CASP5: variants seen among roughly 807,000 people sequenced by gnomAD.
The protein encoded by CASP5 is caspase-5.
A neutral mutation model predicts 45.2 loss-of-function variants in CASP5; 42 were observed. That is an observed-to-expected ratio of 0.93 (90% CI 0.73 to 1.20). The LOEUF is 1.20. CASP5 is among the 50% of genes most tolerant of loss of function. The pLI is 0.00. For missense variants in CASP5, 512 were observed against 532.2 expected, an observed-to-expected ratio of 0.96 and a Z score of 0.37; for synonymous variants, 209 against 186.2, an observed-to-expected ratio of 1.12 and a Z score of -1.00.
intron 4 of CASP5, 125 bp downstream of exon 4, chr11:105,003,149 A>G (rs761294706): frequency 1.0e-4 from 68 of 678,700 alleles, no homozygotes; most frequent in Non-Finnish European, 1.4e-4. Flanking sequence ...GCAGTCAGCT[A>G]TGATCACACC....
rs191739975 is a variant in CASP5, at chr11:105,016,316, C to T, written c.7+6814G>A. Among the ~76,000 whole-genome samples, 587 of 152,226 alleles carry T rather than the reference C, an allele frequency of 3.9e-3. 2 individuals carry two copies. The highest frequency in any genetic ancestry group is 0.013 in the African/African-American group (552 of 41,542). On this transcript the variant is annotated intron_variant, in intron 1 of 9. Coordinates refer to ENST00000260315, the MANE Select transcript of CASP5 (RefSeq NM_004347.5). ...CTGCAGGGGGAGGCGCCAAGATGGC[C>T]GAATAGGAACAGCTCCAGTCTACAG... is the stretch of plus-strand genomic sequence containing the variant.
At chr11:105,013,908 C>A (rs113389318) in intron 1 of CASP5, among the ~76,000 whole-genome samples, 1 of 152,156 alleles carries the variant, frequency 6.6e-6, no homozygotes, top group African/African-American at 2.4e-5. Context: ...TATTCCCCAA[C>A]TCAATTCACA....
intron 2 of CASP5, 64 bp downstream of exon 2, chr11:105,008,743 G>T: frequency 8.6e-7 from 1 of 1,162,466 alleles, no homozygotes. Flanking sequence ...GTCACTGCAT[G>T]GGACTTATAA....
intron 3 of CASP5, 30 bp from the exon 4 acceptor site, chr11:105,003,413 G>A: frequency 7.7e-7 from 1 of 1,293,328 alleles, no homozygotes; most frequent in Non-Finnish European, 1.1e-6. Context: ...ATAAATTATG[G>A]TTTCTGCCTC....
At chr11:105,001,116 C>T (rs1324492864) in intron 5 of CASP5, among the ~76,000 whole-genome samples, 3 of 152,172 alleles carry the variant, frequency 2.0e-5, no homozygotes, top group Non-Finnish European at 4.4e-5. Context: ...CTGGACCAAC[C>T]CAAAAACATC....
At chr11:105,017,031 C>T (rs1207596820) in intron 1 of CASP5, among the ~76,000 whole-genome samples, 1 of 151,116 alleles carries the variant, frequency 6.6e-6, no homozygotes, top group Non-Finnish European at 1.5e-5. Context: ...TGGGAGGCAC[C>T]CCCCAGCAGG....
chr11:105,001,975 A>C (rs1861753634), intron 5 of CASP5, 53 bp downstream of exon 5: 1 of 1,555,366 alleles, frequency 6.4e-7, no homozygotes, highest in Non-Finnish European at 8.7e-7. Flanking sequence ...ACTAATTATT[A>C]GAAGAATCTG....
chr11:105,000,219 A>AT, intron 6 of CASP5, 42 bp downstream of exon 6: 1 of 1,599,128 alleles, frequency 6.3e-7, no homozygotes, highest in Non-Finnish European at 8.6e-7. Flanking sequence ...AATCCTCTGC[A>AT]TACACCTTCA....
intron 3 of CASP5, among the ~76,000 whole-genome samples, chr11:105,006,414 AG>A (rs1488626555): frequency 7.2e-5 from 11 of 152,252 alleles, no homozygotes; most frequent in South Asian, 2.1e-4. Flanking sequence ...TGAAGAAACC[AG>A]TTACATTCTG....
rs372896965 is a variant in CASP5 at position 105,003,359 on chromosome 11, G to A, written c.458C>T (p.Pro153Leu). Residue 153 changes from proline (P) to leucine (L), a missense_variant, in exon 4 of 10, where the codon CCA becomes CTA. By Grantham distance (98) the Pro-to-Leu change is moderately conservative. Transcript: ENST00000260315. ...ATTTGTAGATTCTGCTGACTCAGGT[G>A]GTCCAGCCTCGATTTGCAGAAGAGC... is the stretch of plus-strand genomic sequence containing the variant. ...VKPLLQIEAG[P>L]PESAESTNIL... 21 of 1,599,030 alleles carry A rather than the reference G, an allele frequency of 1.3e-5. No homozygotes were observed. Among genetic ancestry groups the A allele is most frequent in the Middle Eastern group, 3.3e-4 (2 of 6,042 alleles).
intron 1 of CASP5, among the ~76,000 whole-genome samples, chr11:105,009,438 T>C (rs146888930): frequency 6.6e-6 from 1 of 151,586 alleles, no homozygotes; most frequent in Non-Finnish European, 1.5e-5. Context: ...TGAATTTGTG[T>C]TTTTTAACAC....
At chr11:105,022,757 G>A (rs928273649) in intron 1 of CASP5, among the ~76,000 whole-genome samples, 5 of 152,060 alleles carry the variant, frequency 3.3e-5, no homozygotes, top group Non-Finnish European at 5.9e-5. Flanking sequence ...GTGGGGAGAA[G>A]GTTCATAGTC....
In CASP5 at chr11:104,995,860, A is replaced by C. The variant is rs772675370; in HGVS notation, c.1207-18T>G. The stretch of plus-strand genomic sequence containing the variant: ...TTCTGTACCTAAAAGAAAAAACAGT[A>C]GATGAGATATGAGGGATTTTGGGTT... On this transcript the variant is annotated intron_variant, in intron 8 of 9. Transcript: ENST00000260315. 9 of 1,525,044 alleles carry C rather than the reference A, an allele frequency of 5.9e-6. No individual in the cohort carries two copies. The South Asian group carries it at 1.0e-4, about 17-fold the overall frequency. 94.5% of individuals were successfully genotyped at this position (1,525,044 alleles called of 1,614,324 possible). A position where few individuals can be genotyped will look rare whatever the true frequency, so the allele number is the denominator to read the frequency against.
chr11:105,005,346 GTATA>G (rs1299128613), intron 3 of CASP5, among the ~76,000 whole-genome samples: 4 of 126,742 alleles, frequency 3.2e-5, no homozygotes, highest in African/African-American at 1.5e-4. Context: ...TATATAGTGT[GTATA>G]TATATATGTG....
chr11:105,001,587 G>A (rs891622479), intron 5 of CASP5, among the ~76,000 whole-genome samples: 1 of 152,164 alleles, frequency 6.6e-6, no homozygotes, highest in Non-Finnish European at 1.5e-5. Flanking sequence ...CTTGTGGAAG[G>A]TGAATGTTGC....
At chr11:105,022,617 A>G (rs565319400) in intron 1 of CASP5, among the ~76,000 whole-genome samples, 4 of 152,286 alleles carry the variant, frequency 2.6e-5, no homozygotes, top group African/African-American at 9.6e-5. Context: ...AAGATATATT[A>G]CATTATAAGA....
intron 1 of CASP5, among the ~76,000 whole-genome samples, chr11:105,017,864 C>A (rs1476737486): frequency 1.3e-5 from 2 of 148,986 alleles, no homozygotes; most frequent in East Asian, 3.9e-4. Context: ...TCAGATTCAC[C>A]AAAGTTGAAA....
intron 4 of CASP5, among the ~76,000 whole-genome samples, 179 bp from the exon 5 acceptor site, chr11:105,002,380 T>G (rs1457468120): frequency 6.6e-6 from 1 of 152,200 alleles, no homozygotes; most frequent in East Asian, 1.9e-4. Flanking sequence ...ATATCTGGAA[T>G]GATCACTCTA....
At chr11:105,019,827 AC>A (rs1340981658) in intron 1 of CASP5, among the ~76,000 whole-genome samples, 1 of 145,294 alleles carries the variant, frequency 6.9e-6, no homozygotes, top group Admixed American at 7.3e-5. Context: ...TCATCCTGAT[AC>A]CAAAGCCGGG....
Sources: allele counts gnomAD v4.1 joint callset (sites outside exome capture counted in the v4.1 genomes callset), GRCh38; gene constraint gnomAD v4.1.1; transcripts MANE v1.5; gene names NCBI Gene and HGNC (gene_info 2026-07-23, HGNC 2026-07-21).